IL1RAPL1: variants seen among roughly 807,000 people sequenced by gnomAD.
IL1RAPL1 encodes interleukin-1 receptor accessory protein-like 1.
Under a neutral mutation model 48.4 loss-of-function variants are expected in IL1RAPL1, and 3 were observed. That is an observed-to-expected ratio of 0.06 (90% CI 0.03 to 0.16). The LOEUF is 0.16. IL1RAPL1 is among the 10% of genes least tolerant of loss of function. The pLI, the probability that IL1RAPL1 is intolerant of heterozygous loss-of-function variation, is 1.00. For synonymous variants in IL1RAPL1, 185 were observed against 187.7 expected (o/e 0.99, Z 0.12); for missense variants, 349 against 530.6 (o/e 0.66, Z 3.36).
chrX:29,386,085 A>C (rs1001475311), intron 3 of IL1RAPL1, among the ~76,000 whole-genome samples: 5 of 112,016 alleles, frequency 4.5e-5, no homozygotes, highest in African/African-American at 1.6e-4. Flanking sequence ...GCTGGAGTAC[A>C]GTAGCACGAT....
intron 5 of IL1RAPL1, among the ~76,000 whole-genome samples, chrX:29,552,166 C>A (rs1921837750): frequency 9.0e-6 from 1 of 111,217 alleles, no homozygotes; most frequent in African/African-American, 3.3e-5. Flanking sequence ...CCTCCACCTC[C>A]CCTCCCCTTA....
intron 2 of IL1RAPL1, among the ~76,000 whole-genome samples, chrX:29,009,719 G>C (rs1278541680): frequency 5.4e-5 from 6 of 111,786 alleles, no homozygotes; most frequent in African/African-American, 1.3e-4. Context: ...TTTTTCCTTA[G>C]TTTTGCTTTG....
At chrX:29,700,276 T>G (rs1927017121) in intron 6 of IL1RAPL1, among the ~76,000 whole-genome samples, 1 of 112,271 alleles carries the variant, frequency 8.9e-6, no homozygotes, top group Non-Finnish European at 1.9e-5. Context: ...TAATAGAAAT[T>G]ACAGTATCAC....
chrX:29,600,320 A>G (rs1014839773), intron 5 of IL1RAPL1, among the ~76,000 whole-genome samples: 2 of 111,851 alleles, frequency 1.8e-5, no homozygotes, highest in Admixed American at 1.9e-4. Context: ...CAATGGAGCT[A>G]CTGGGCTCTG....
chrX:29,595,726 GC>G (rs778284309), intron 5 of IL1RAPL1, among the ~76,000 whole-genome samples: 1 of 112,104 alleles, frequency 8.9e-6, no homozygotes, highest in African/African-American at 3.2e-5. Context: ...CTGTGCAGAA[GC>G]TTTTTACTTA....
intron 1 of IL1RAPL1, among the ~76,000 whole-genome samples, chrX:28,694,822 G>A (rs1332185463): frequency 1.8e-5 from 2 of 111,484 alleles, no homozygotes; most frequent in African/African-American, 6.5e-5. Flanking sequence ...CTTTCTGACT[G>A]ATCCTGGATT....
intron 2 of IL1RAPL1, among the ~76,000 whole-genome samples, chrX:29,136,124 C>CT (rs35972652): frequency 5.8e-4 from 37 of 64,147 alleles, no homozygotes; most frequent in Admixed American, 1.1e-3. Context: ...CATTTGAACT[C>CT]TTTTTTTTTT....
chrX:28,875,880 A>G (rs1050144399), intron 2 of IL1RAPL1, among the ~76,000 whole-genome samples: 5 of 111,481 alleles, frequency 4.5e-5, no homozygotes, highest in Admixed American at 2.9e-4. Flanking sequence ...CTTGGCTCCT[A>G]TTTTCAATGT....
intron 3 of IL1RAPL1, among the ~76,000 whole-genome samples, chrX:29,380,274 C>A (rs763489251): frequency 8.9e-6 from 1 of 112,097 alleles, no homozygotes; most frequent in East Asian, 2.8e-4. Context: ...GTTGCCCAGG[C>A]TGGAGTGCAA....
chrX:29,375,102 C>A, intron 3 of IL1RAPL1, among the ~76,000 whole-genome samples: 1 of 108,429 alleles, frequency 9.2e-6, no homozygotes, highest in Non-Finnish European at 1.9e-5. Flanking sequence ...TGAAGCTATA[C>A]CCAAAATCCC....
intron 7 of IL1RAPL1, among the ~76,000 whole-genome samples, chrX:29,917,809 G>A (rs988295710): frequency 1.0e-4 from 11 of 109,599 alleles, no homozygotes; most frequent in Admixed American, 3.0e-4. Flanking sequence ...GAAAAATAAC[G>A]AAGATTGTTC....
At chrX:29,088,766 C>T (rs781028003) in intron 2 of IL1RAPL1, among the ~76,000 whole-genome samples, 4 of 107,593 alleles carry the variant, frequency 3.7e-5, no homozygotes, top group South Asian at 4.1e-4. Context: ...TAAATAACTA[C>T]GAACTAACAC....
At chrX:29,683,552 AT>A (rs1388215719) in intron 6 of IL1RAPL1, among the ~76,000 whole-genome samples, 2 of 112,301 alleles carry the variant, frequency 1.8e-5, no homozygotes, top group Non-Finnish European at 3.8e-5. Context: ...TTTTGCCTCC[AT>A]TTTACAGATA....
intron 5 of IL1RAPL1, among the ~76,000 whole-genome samples, chrX:29,528,646 C>G (rs976722939): frequency 8.9e-6 from 1 of 112,373 alleles, no homozygotes; most frequent in African/African-American, 3.2e-5. Flanking sequence ...CTTACAATGT[C>G]TGATCTCTGG....
chrX:29,011,522 A>T (rs373581029), intron 2 of IL1RAPL1, among the ~76,000 whole-genome samples: 50 of 112,537 alleles, frequency 4.4e-4, no homozygotes, highest in African/African-American at 1.5e-3. Context: ...ACCAAAAGAG[A>T]ATGCACATTG....
chrX:28,784,848 C>T, intron 1 of IL1RAPL1, among the ~76,000 whole-genome samples: 1 of 111,328 alleles, frequency 9.0e-6, no homozygotes, highest in Middle Eastern at 4.7e-3. Flanking sequence ...ATATCTCTTC[C>T]TTCTAGATTC....
At chrX:28,932,164 A>G (rs1032710934) in intron 2 of IL1RAPL1, among the ~76,000 whole-genome samples, 5 of 111,681 alleles carry the variant, frequency 4.5e-5, no homozygotes, top group African/African-American at 1.6e-4. Context: ...CTTAAATTTT[A>G]TATTTTATAG....
chrX:29,322,709 C>A (rs769310038), intron 3 of IL1RAPL1, among the ~76,000 whole-genome samples: 1 of 111,912 alleles, frequency 8.9e-6, no homozygotes, highest in South Asian at 3.8e-4. Context: ...CTCTCTCATG[C>A]ATCTTTGGCT....
At chrX:29,529,156 A>T (rs1227923723) in intron 5 of IL1RAPL1, among the ~76,000 whole-genome samples, 1 of 111,938 alleles carries the variant, frequency 8.9e-6, no homozygotes. Flanking sequence ...AATAATGAGA[A>T]GGGATTCCAG....
Sources: allele counts gnomAD v4.1 joint callset (sites outside exome capture counted in the v4.1 genomes callset), GRCh38; gene constraint gnomAD v4.1.1; transcripts MANE v1.5; gene names NCBI Gene and HGNC (gene_info 2026-07-23, HGNC 2026-07-21).